KCNQ3: variants seen among roughly 807,000 people sequenced by gnomAD.
KCNQ3 encodes potassium voltage-gated channel subfamily Q member 3.
KCNQ3 carries 30 observed loss-of-function variants against 92.5 expected under a neutral mutation model. That is an observed-to-expected ratio of 0.32 (90% CI 0.24 to 0.44). The LOEUF (loss-of-function observed/expected upper bound fraction) is 0.44, where lower values mean the gene tolerates loss of function less well. Among genes scored for constraint, KCNQ3 ranks in the 20% least tolerant of loss-of-function variants. The probability of loss-of-function intolerance (pLI) is 1.00; values close to 1 mark genes in which losing one functional copy is unlikely to be tolerated. For synonymous variants in KCNQ3, 450 were observed against 468.8 expected (o/e 0.96, Z 0.52); for missense variants, 913 against 1,140.3 (o/e 0.80, Z 2.87).
intron 9 of KCNQ3, among the ~76,000 whole-genome samples, chr8:132,156,292 T>A (rs187721013): frequency 2.6e-5 from 4 of 151,974 alleles, no homozygotes; most frequent in African/African-American, 9.6e-5. Context: ...ATTATTATGA[T>A]TTCCACAGAC....
Position 132,176,317 on chromosome 8 carries a change from G to T in KCNQ3, c.778-709C>A, listed in dbSNP as rs181543733. 5.1e-3 allele frequency among the ~76,000 whole-genome samples: 772 copies of T among 152,284 alleles called. 1 individual carries two copies. Among genetic ancestry groups the T allele is most frequent in the Non-Finnish European group, 6.2e-3 (419 of 68,018 alleles). ...AAAGTGTTAAGTAATAGTCAGGATG[G>T]TATGGATGGAAACTTCACTGAAGTT... On this transcript the variant is annotated intron_variant, in intron 4 of 14. Coordinates refer to ENST00000388996, the MANE Select transcript of KCNQ3 (RefSeq NM_004519.4).
At chr8:132,339,822 C>T (rs756932995) in intron 1 of KCNQ3, among the ~76,000 whole-genome samples, 3 of 151,962 alleles carry the variant, frequency 2.0e-5, no homozygotes, top group East Asian at 1.9e-4. Flanking sequence ...GGAATCCTGG[C>T]GACACCCAGA....
At chr8:132,474,029 T>C (rs1822350972) in intron 1 of KCNQ3, among the ~76,000 whole-genome samples, 1 of 152,160 alleles carries the variant, frequency 6.6e-6, no homozygotes, top group Non-Finnish European at 1.5e-5. Context: ...AGGAGAGTGA[T>C]TGATCACAGC....
At chr8:132,411,989 T>C (rs1199025503) in intron 1 of KCNQ3, among the ~76,000 whole-genome samples, 1 of 152,200 alleles carries the variant, frequency 6.6e-6, no homozygotes, top group African/African-American at 2.4e-5. Flanking sequence ...TGGCCTTTTC[T>C]GGGGTTAGGC....
intron 8 of KCNQ3, among the ~76,000 whole-genome samples, chr8:132,169,197 C>T (rs750621456): frequency 6.6e-6 from 1 of 152,156 alleles, no homozygotes; most frequent in Non-Finnish European, 1.5e-5. Flanking sequence ...GCCACTGGCT[C>T]AGCCCCACCC....
At chr8:132,396,219 T>G (rs1332865497) in intron 1 of KCNQ3, among the ~76,000 whole-genome samples, 2 of 152,158 alleles carry the variant, frequency 1.3e-5, no homozygotes, top group African/African-American at 4.8e-5. Context: ...TTTGCCCCAT[T>G]GAACAGAGCA....
At chr8:132,231,257 G>A (rs866001020) in intron 1 of KCNQ3, among the ~76,000 whole-genome samples, 4 of 152,186 alleles carry the variant, frequency 2.6e-5, no homozygotes, top group African/African-American at 9.6e-5. Flanking sequence ...ACTGTCTGCT[G>A]TTTTAAGCCA....
chr8:132,315,252 A>T (rs1363235671), intron 1 of KCNQ3, among the ~76,000 whole-genome samples: 2 of 152,150 alleles, frequency 1.3e-5, no homozygotes, highest in East Asian at 3.9e-4. Context: ...AGAGCTGCTT[A>T]GGTGGTAGAA....
intron 1 of KCNQ3, among the ~76,000 whole-genome samples, chr8:132,308,372 G>T (rs1817493375): frequency 6.6e-6 from 1 of 152,164 alleles, no homozygotes; most frequent in African/African-American, 2.4e-5. Context: ...ATTAGAGAGG[G>T]ATGGATGGAG....
chr8:132,174,186 G>T (rs1826472301), intron 6 of KCNQ3, 53 bp downstream of exon 6: 1 of 1,277,256 alleles, frequency 7.8e-7, no homozygotes, highest in South Asian at 1.3e-5. Flanking sequence ...GGCACCAGGC[G>T]GTAAGGGGTC....
At chr8:132,233,266 A>G (rs992835864) in intron 1 of KCNQ3, among the ~76,000 whole-genome samples, 1 of 152,270 alleles carries the variant, frequency 6.6e-6, no homozygotes, top group African/African-American at 2.4e-5. Flanking sequence ...AACACCAACC[A>G]GAAGCATATT....
rs549566134 is a variant in KCNQ3 at position 132,207,273 on chromosome 8, G to A, written c.387-21092C>T. ...GATTTTACACGATCTCTAGGGTAAGGTATGAGGACCTATTTTCATCCCAAT... is the reference window on the plus strand; with the variant it reads ...GATTTTACACGATCTCTAGGGTAAGATATGAGGACCTATTTTCATCCCAAT... On this transcript the variant is annotated intron_variant, in intron 1 of 14. Coordinates refer to ENST00000388996, the MANE Select transcript of KCNQ3 (RefSeq NM_004519.4). Among the ~76,000 whole-genome samples, 4 of 152,254 alleles carry A rather than the reference G, an allele frequency of 2.6e-5. No homozygotes were observed. In the South Asian group the frequency reaches 8.3e-4, roughly 32 times the overall value.
chr8:132,283,645 C>T (rs1816597132), intron 1 of KCNQ3, among the ~76,000 whole-genome samples: 1 of 152,184 alleles, frequency 6.6e-6, no homozygotes, highest in African/African-American at 2.4e-5. Flanking sequence ...TCATCGGTAC[C>T]CTATGCCAGG....
At chr8:132,389,921 G>A (rs891671036) in intron 1 of KCNQ3, among the ~76,000 whole-genome samples, 2 of 152,152 alleles carry the variant, frequency 1.3e-5, no homozygotes, top group African/African-American at 4.8e-5. Context: ...GTGTACCTAG[G>A]TACAAACTTT....
intron 12 of KCNQ3, among the ~76,000 whole-genome samples, chr8:132,136,112 C>CCAT (rs1192690950): frequency 1.0e-5 from 1 of 96,910 alleles, no homozygotes; most frequent in Non-Finnish European, 1.8e-5. Flanking sequence ...GAGTGAGACT[C>CCAT]CATCTCAAAA....
chr8:132,199,583 G>T (rs1315725522), intron 1 of KCNQ3, among the ~76,000 whole-genome samples: 2 of 152,170 alleles, frequency 1.3e-5, no homozygotes, highest in Non-Finnish European at 2.9e-5. Context: ...TACCTCGTGG[G>T]ATAATCAAAT....
intron 1 of KCNQ3, among the ~76,000 whole-genome samples, chr8:132,295,716 A>G (rs548930303): frequency 6.6e-6 from 1 of 152,356 alleles, no homozygotes; most frequent in South Asian, 2.1e-4. Flanking sequence ...AAAAGGAACA[A>G]GATCATGCCC....
chr8:132,203,979 T>C (rs1827540475), intron 1 of KCNQ3, among the ~76,000 whole-genome samples: 3 of 152,244 alleles, frequency 2.0e-5, no homozygotes, highest in East Asian at 1.9e-4. Flanking sequence ...AGAGACACTA[T>C]ATTTCATTGT....
rs1036483110 is a variant in KCNQ3 at position 132,236,227 on chromosome 8, C to A, written c.387-50046G>T. Among the ~76,000 whole-genome samples the A allele has an allele frequency of 6.6e-5, 10 of 152,278 alleles. 1 individual carries two copies. The South Asian group carries it at 1.9e-3, about 28-fold the overall frequency. Reference sequence around the variant, plus strand: ...TGGGATCCAAATTGCAAAGGGCAAACCTTTTTCATTTGGAAAATATTTAAA... The same window carrying A: ...TGGGATCCAAATTGCAAAGGGCAAAACTTTTTCATTTGGAAAATATTTAAA... On this transcript the variant is annotated intron_variant, in intron 1 of 14. Transcript: ENST00000388996.
Sources: gnomAD v4.1 joint callset for allele counts (sites outside exome capture counted in the v4.1 genomes callset) on GRCh38, gnomAD v4.1.1 for gene constraint, MANE v1.5 for transcripts, NCBI Gene and HGNC (gene_info 2026-07-23, HGNC 2026-07-21) for gene names.